The following AOC3 variants were observed in gnomAD, a reference collection of about 807,000 sequenced individuals.
AOC3 encodes amine oxidase copper containing 3.
AOC3 carries 47 observed loss-of-function variants against 55.4 expected under a neutral mutation model. The ratio of observed to expected loss-of-function variants is 0.85; its 90% CI spans 0.67 to 1.08. The LOEUF (loss-of-function observed/expected upper bound fraction) is 1.08. AOC3 is among the 50% of genes least tolerant of loss of function. The pLI is 0.00. For synonymous variants in AOC3, 386 were observed against 410.7 expected (o/e 0.94, Z 0.73); for missense variants, 853 against 993.1 (o/e 0.86, Z 1.90).
chr17:42,856,899 G>T lies in AOC3; in HGVS notation c.*349G>T. On this transcript the variant is annotated 3_prime_UTR_variant, in exon 4 of 4. Coordinates refer to ENST00000308423, the MANE Select transcript of AOC3 (RefSeq NM_003734.4). ...AGGCCACCTCCAAGGACTCTAAAAG[G>T]GGGCTATTCCCTGGAGACCCCAGAG... 3.3e-6 allele frequency: 1 copy of T among 305,326 alleles called. No individual in the cohort carries two copies. The highest frequency in any genetic ancestry group is 4.7e-5 in the Admixed American group (1 of 21,228). 18.9% of individuals were successfully genotyped at this position (305,326 alleles called of 1,614,324 possible).
At chr17:42,853,192 G>A (rs1409847570) in intron 1 of AOC3, 2 of 1,352,352 alleles carry the variant, frequency 1.5e-6, no homozygotes, top group African/African-American at 2.9e-5. Flanking sequence ...GCTCAGGGAG[G>A]AGGCAGGATT....
In AOC3 at chr17:42,858,074, G is replaced by T. The variant is rs1225171027; in HGVS notation, c.*1524G>T. The T allele has an allele frequency of 6.6e-6, 1 of 151,944 alleles. No homozygotes were observed. Among genetic ancestry groups the T allele is most frequent in the Non-Finnish European group, 1.5e-5 (1 of 67,982 alleles). The allele number at this position is 151,944 out of a possible 1,614,324, so 9.4% of individuals were successfully genotyped here. ...CACCCTTTTGTACATTTTGAATTTTGAACCATGTGACTGTATTACCTATTC... is the reference window on the plus strand; with the variant it reads ...CACCCTTTTGTACATTTTGAATTTTTAACCATGTGACTGTATTACCTATTC... On this transcript the variant is annotated 3_prime_UTR_variant, in exon 4 of 4. Transcript: ENST00000308423.
Position 42,857,055 on chromosome 17 carries a change from G to C in AOC3, c.*505G>C. 1 of 160,850 alleles carries C rather than the reference G, an allele frequency of 6.2e-6. No homozygotes were observed. Among genetic ancestry groups the C allele is most frequent in the Non-Finnish European group, 1.4e-5 (1 of 73,422 alleles). 10.0% of individuals were successfully genotyped at this position (160,850 alleles called of 1,614,324 possible). A position where few individuals can be genotyped will look rare whatever the true frequency, so the allele number is the denominator to read the frequency against. On this transcript the variant is annotated 3_prime_UTR_variant, in exon 4 of 4. Transcript: ENST00000308423. Reference sequence around the variant, plus strand: ...ACTTCCTCCTCCTCCTCCTGTTCCTGCCTTCTCTTCTATCCTGCAATTTCT... The same window carrying C: ...ACTTCCTCCTCCTCCTCCTGTTCCTCCCTTCTCTTCTATCCTGCAATTTCT...
rs552548159 is a variant in AOC3, at chr17:42,856,692, C to T, written c.*142C>T. ...TTCTTCCACTACCCTCCCTCGCATC[C>T]GCCTCTGAGCCAGGAGCCTCCTGAC... On this transcript the variant is annotated 3_prime_UTR_variant, in exon 4 of 4. Coordinates refer to ENST00000308423, the MANE Select transcript of AOC3 (RefSeq NM_003734.4). 1.3e-5 allele frequency: 13 copies of T among 993,480 alleles called. No individual in the cohort carries two copies. Among genetic ancestry groups the T allele is most frequent in the South Asian group, 6.6e-5 (4 of 60,788 alleles). 61.5% of individuals were successfully genotyped at this position (993,480 alleles called of 1,614,324 possible). A position where few individuals can be genotyped will look rare whatever the true frequency, so the allele number is the denominator to read the frequency against.
In AOC3 at chr17:42,854,417, G is replaced by A. The variant is rs375237121; in HGVS notation, c.1601-31G>A. ...TCCAGAGGGGCCAGGGCAGTTGCCT[G>A]ACAGGCCCTCCCCTATCCCACCCTG... On this transcript the variant is annotated intron_variant, in intron 1 of 3. Coordinates refer to ENST00000308423, the MANE Select transcript of AOC3 (RefSeq NM_003734.4). The A allele has an allele frequency of 1.7e-5, 25 of 1,455,638 alleles. No homozygotes were observed. The African/African-American group carries it at 3.6e-4, about 21-fold the overall frequency. The allele number at this position is 1,455,638 out of a possible 1,614,324, so 90.2% of individuals were successfully genotyped here. A position where few individuals can be genotyped will look rare whatever the true frequency, so the allele number is the denominator to read the frequency against.
chr17:42,855,395 C>T, intron 2 of AOC3, 49 bp from the exon 3 acceptor site: 9 of 1,570,962 alleles, frequency 5.7e-6, no homozygotes, highest in Non-Finnish European at 6.9e-6. Flanking sequence ...CATAATCAGG[C>T]AGCAGGATGG....
intron 1 of AOC3, chr17:42,853,472 C>T (rs1437774681): frequency 1.6e-5 from 14 of 883,556 alleles, no homozygotes; most frequent in Admixed American, 5.6e-5. Context: ...ACATGGATCC[C>T]GTGGAGCATT....
chr17:42,855,639 C>T, intron 3 of AOC3, 66 bp downstream of exon 3: 2 of 1,604,906 alleles, frequency 1.2e-6, no homozygotes, highest in Non-Finnish European at 1.7e-6. Flanking sequence ...CCCTGAAAAC[C>T]ACCTGCACTT....
intron 1 of AOC3, among the ~76,000 whole-genome samples, chr17:42,853,575 A>G (rs1597968675): frequency 6.7e-6 from 1 of 149,708 alleles, no homozygotes; most frequent in African/African-American, 2.5e-5. Flanking sequence ...CTTTCCCCAC[A>G]TTGAGTCAGT....
rs761064515 is a variant in AOC3, at chr17:42,852,048, C to T, written c.705C>T (p.Gly235=). Residue 235 remains glycine (G), a synonymous_variant, in exon 1 of 4, where the codon GGC becomes GGT. Coordinates refer to ENST00000308423, the MANE Select transcript of AOC3 (RefSeq NM_003734.4). ...TWFGLYYNIS[G]AGFFLHHVGL... is the part of the protein sequence containing the mutation. ...TTGGCCTCTACTACAACATCTCGGG[C>T]GCTGGGTTCTTCCTGCACCACGTGG... The T allele has an allele frequency of 2.5e-5, 40 of 1,613,738 alleles. No individual in the cohort carries two copies. Among genetic ancestry groups the T allele is most frequent in the East Asian group, 1.6e-4 (7 of 44,886 alleles).
intron 3 of AOC3, among the ~76,000 whole-genome samples, chr17:42,855,782 G>C (rs2055741222): frequency 6.6e-6 from 1 of 152,188 alleles, no homozygotes. Context: ...TGAGATCTTA[G>C]AGCCCTCTTA....
At chr17:42,855,817 T>C (rs1442209515) in intron 3 of AOC3, among the ~76,000 whole-genome samples, 4 of 152,214 alleles carry the variant, frequency 2.6e-5, no homozygotes, top group African/African-American at 9.7e-5. Flanking sequence ...GACTGAGTCC[T>C]TTCCAGGCTC....
intron 1 of AOC3, 125 bp downstream of exon 1, chr17:42,853,068 T>G (rs2055699097): frequency 8.8e-6 from 12 of 1,364,512 alleles, no homozygotes. Flanking sequence ...CCCCTTTTGC[T>G]GGATGGGAGA....
chr17:42,853,035 G>A, intron 1 of AOC3, 92 bp downstream of exon 1: 8 of 1,452,288 alleles, frequency 5.5e-6, no homozygotes, highest in Non-Finnish European at 6.4e-6. Context: ...ATCCCAGAAA[G>A]GAAGACGTGG....
chr17:42,853,371 C>T, intron 1 of AOC3: 1 of 1,004,274 alleles, frequency 1.0e-6, no homozygotes, highest in Non-Finnish European at 1.2e-6. Flanking sequence ...GCAGGTCAGT[C>T]ATTCCAGGTT....
In AOC3 at chr17:42,854,686, GC is replaced by G; in HGVS notation, c.1841del (p.Pro614ArgfsTer21). On this transcript the variant is annotated frameshift_variant, in exon 2 of 4. Coordinates refer to ENST00000308423, the MANE Select transcript of AOC3 (RefSeq NM_003734.4). LOFTEE classifies it high-confidence loss of function. ...RIQMLSFAGEPLPQNSSMARG... is the reference protein window; with the variant it reads ...RIQMLSFAGEXLPQNSSMARG... Reference sequence around the variant, plus strand: ...TCCAGATGCTCAGCTTTGCTGGAGAGCCGCTGCCCCAAAACAGCTCCATGGC... The same window carrying G: ...TCCAGATGCTCAGCTTTGCTGGAGAGCGCTGCCCCAAAACAGCTCCATGGC... The G allele has an allele frequency of 6.6e-7, 1 of 1,515,758 alleles. No individual in the cohort carries two copies. Among genetic ancestry groups the G allele is most frequent in the Non-Finnish European group, 8.9e-7 (1 of 1,126,598 alleles). The allele number at this position is 1,515,758 out of a possible 1,614,324, so 93.9% of individuals were successfully genotyped here.
chr17:42,852,577 G>A lies in AOC3; in HGVS notation c.1234G>A (p.Asp412Asn). 1 of 1,614,190 alleles carries A rather than the reference G, an allele frequency of 6.2e-7. No homozygotes were observed. The highest frequency in any genetic ancestry group is 8.5e-7 in the Non-Finnish European group (1 of 1,180,028). ...CTGCCCCTACTTGGCCACCTACGTG[G>A]ACTGGCACTTCCTTTTGGAGTCCCA... ...VDCPYLATYVDWHFLLESQAP... is the reference protein window; with the variant it reads ...VDCPYLATYVNWHFLLESQAP... The change falls in exon 1 of 4, where the codon GAC becomes AAC. Residue 412 changes from aspartate (D) to asparagine (N), a missense_variant. Coordinates refer to ENST00000308423, the MANE Select transcript of AOC3 (RefSeq NM_003734.4).
rs373171390 is a variant in AOC3 at position 42,856,355 on chromosome 17, C to T, written c.2097C>T (p.Asn699=). 2.1e-4 allele frequency: 339 copies of T among 1,614,192 alleles called. 2 individuals carry two copies. Among genetic ancestry groups the T allele is most frequent in the South Asian group, 1.5e-3 (135 of 91,082 alleles). The change falls in exon 4 of 4, where the codon AAC becomes AAT. Residue 699 remains asparagine, a synonymous_variant. Transcript: ENST00000308423. The part of the protein sequence containing the change: ...EDIPNTVTVG[N]GVGFFLRPYN... ...TTCCTAACACAGTGACTGTGGGGAACGGCGTGGGCTTCTTCCTCCGACCCT... is the reference window on the plus strand; with the variant it reads ...TTCCTAACACAGTGACTGTGGGGAATGGCGTGGGCTTCTTCCTCCGACCCT...
chr17:42,854,490 C>G lies in AOC3; in HGVS notation c.1643C>G (p.Pro548Arg), dbSNP rs1448754783. ...WVWAEDMVFVPMAVPWSPEHQ... is the reference protein window; with the variant it reads ...WVWAEDMVFVRMAVPWSPEHQ... ...TGGGCCGAGGATATGGTCTTTGTCCCCATGGCTGTGCCCTGGAGCCCTGAG... is the reference window on the plus strand; with the variant it reads ...TGGGCCGAGGATATGGTCTTTGTCCGCATGGCTGTGCCCTGGAGCCCTGAG... The change falls in exon 2 of 4, where the codon CCC becomes CGC. Residue 548 changes from proline to arginine, a missense_variant. Coordinates refer to ENST00000308423, the MANE Select transcript of AOC3 (RefSeq NM_003734.4). 6.3e-7 allele frequency: 1 copy of G among 1,593,224 alleles called. No homozygotes were observed. Among genetic ancestry groups the G allele is most frequent in the East Asian group, 2.3e-5 (1 of 43,814 alleles).
Sources: gnomAD v4.1 joint callset for allele counts (sites outside exome capture counted in the v4.1 genomes callset) on GRCh38, gnomAD v4.1.1 for gene constraint, MANE v1.5 for transcripts, NCBI Gene and HGNC (gene_info 2026-07-23, HGNC 2026-07-21) for gene names.